The following CSMD1 variants were observed in gnomAD, a reference collection of about 807,000 sequenced individuals.
CSMD1 encodes the protein CUB and sushi domain-containing protein 1.
A neutral mutation model predicts 417.5 loss-of-function variants in CSMD1; 213 were observed. The observed-to-expected ratio is 0.51, with a 90% confidence interval of 0.46 to 0.57. The LOEUF (loss-of-function observed/expected upper bound fraction) is 0.57. Ranked by LOEUF, CSMD1 falls within the 20% of genes least tolerant of loss-of-function variation. CSMD1 has a pLI of 0.00. For missense variants in CSMD1, 6,923 were observed against 4,529.7 expected (o/e 1.53, Z -15.17); for synonymous variants, 2,862 against 1,736.8 (o/e 1.65, Z -16.11).
chr8:3,815,535 TAAAAG>T (rs894808868), intron 5 of CSMD1, among the ~76,000 whole-genome samples: 33 of 126,704 alleles, frequency 2.6e-4, no homozygotes, highest in East Asian at 1.5e-3. Flanking sequence ...TCAAACAAAA[TAAAAG>T]AAAAAACTGT....
intron 5 of CSMD1, among the ~76,000 whole-genome samples, chr8:3,967,275 TA>T (rs1435200988): frequency 1.3e-5 from 2 of 151,902 alleles, no homozygotes; most frequent in Non-Finnish European, 2.9e-5. Flanking sequence ...TCTCTCTCTA[TA>T]CTGTTCTTGT....
At chr8:3,695,757 G>A (rs1467971673) in intron 7 of CSMD1, among the ~76,000 whole-genome samples, 1 of 152,270 alleles carries the variant, frequency 6.6e-6, no homozygotes, top group Non-Finnish European at 1.5e-5. Context: ...CCTAGTCTGA[G>A]CATATTCAAT....
intron 2 of CSMD1, among the ~76,000 whole-genome samples, chr8:4,482,557 C>T (rs1406387650): frequency 6.6e-6 from 1 of 152,198 alleles, no homozygotes; most frequent in Non-Finnish European, 1.5e-5. Context: ...AATGAACACA[C>T]ATGTGCACGT....
intron 11 of CSMD1, among the ~76,000 whole-genome samples, chr8:3,492,780 T>C (rs969362549): frequency 6.6e-6 from 1 of 152,146 alleles, no homozygotes; most frequent in Non-Finnish European, 1.5e-5. Context: ...CCGTGTTTGC[T>C]AAGACTCTGG....
chr8:3,199,049 C>T (rs970203959), intron 33 of CSMD1, among the ~76,000 whole-genome samples: 1 of 152,142 alleles, frequency 6.6e-6, no homozygotes, highest in Non-Finnish European at 1.5e-5. Flanking sequence ...AGTGTATGAA[C>T]AGTTTATGTG....
chr8:3,812,401 G>A (rs532811311), intron 5 of CSMD1, among the ~76,000 whole-genome samples: 1 of 152,196 alleles, frequency 6.6e-6, no homozygotes, highest in East Asian at 1.9e-4. Context: ...GGGAAATTAA[G>A]GACTGTTGAC....
At chr8:3,703,688 C>T (rs757197473) in intron 7 of CSMD1, among the ~76,000 whole-genome samples, 1 of 152,150 alleles carries the variant, frequency 6.6e-6, no homozygotes, top group Non-Finnish European at 1.5e-5. Context: ...AGGATGTGCA[C>T]GACTTCCAAA....
intron 10 of CSMD1, among the ~76,000 whole-genome samples, chr8:3,498,621 G>T (rs916577394): frequency 6.6e-6 from 1 of 152,068 alleles, no homozygotes; most frequent in Non-Finnish European, 1.5e-5. Flanking sequence ...TCTCCTTCTA[G>T]AACTCCCATA....
In CSMD1 at chr8:3,289,576, GTGA is replaced by G. The variant is rs899378321; in HGVS notation, c.3951-5233_3951-5231del. 4.7e-4 allele frequency among the ~76,000 whole-genome samples: 46 copies of G among 98,462 alleles called. 1 individual carries two copies. The highest frequency in any genetic ancestry group is 4.4e-3 in the South Asian group (12 of 2,722). 64.6% of individuals were successfully genotyped at this position (98,462 alleles called of 152,430 possible). A position where few individuals can be genotyped will look rare whatever the true frequency, so the allele number is the denominator to read the frequency against. On this transcript the variant is annotated intron_variant, in intron 25 of 69. Coordinates refer to ENST00000635120, the MANE Select transcript of CSMD1 (RefSeq NM_033225.6). The stretch of plus-strand genomic sequence containing the variant: ...TTGATTTGCATTTCTCTGATGGCCG[GTGA>G]TGATGAGCATTTTTTCATGTGTCTT...
At position 3,106,655 on chromosome 8, in the gene CSMD1, T is replaced by C; in HGVS notation, c.6836-14A>G. The C allele has an allele frequency of 6.5e-7, 1 of 1,546,820 alleles. No individual in the cohort carries two copies. The highest frequency in any genetic ancestry group is 8.9e-7 in the Non-Finnish European group (1 of 1,120,518). ...TCACAAAATCTCCTAGAAGAGTCAA[T>C]GCAACAAACCAGGAAATTGTGTGTG... On this transcript the variant is annotated splice_polypyrimidine_tract_variant and intron_variant, in intron 45 of 69. Coordinates refer to ENST00000635120, the MANE Select transcript of CSMD1 (RefSeq NM_033225.6).
At chr8:4,428,529 C>A (rs1194015162) in intron 2 of CSMD1, among the ~76,000 whole-genome samples, 1 of 152,112 alleles carries the variant, frequency 6.6e-6, no homozygotes. Context: ...CAGGTATACA[C>A]ACAGAAGTAT....
intron 3 of CSMD1, among the ~76,000 whole-genome samples, chr8:4,246,923 G>A (rs574412553): frequency 2.0e-5 from 3 of 152,138 alleles, no homozygotes; most frequent in Non-Finnish European, 2.9e-5. Context: ...AAAAATCTTT[G>A]TAAGAGAGAA....
At chr8:3,640,590 C>T (rs1357049885) in intron 7 of CSMD1, among the ~76,000 whole-genome samples, 1 of 152,166 alleles carries the variant, frequency 6.6e-6, no homozygotes, top group African/African-American at 2.4e-5. Context: ...TTCTCTGAAC[C>T]ACTACAAAAT....
chr8:3,864,391 G>T (rs1804937431), intron 5 of CSMD1, among the ~76,000 whole-genome samples: 1 of 152,114 alleles, frequency 6.6e-6, no homozygotes, highest in Admixed American at 6.5e-5. Context: ...TAATCAAAAG[G>T]TGCAAAGATG....
Position 3,189,995 on chromosome 8 carries a change from A to G in CSMD1, c.5315T>C (p.Leu1772Pro). ...IVRFECNPGY[L>P]LQGSTALHCQ... Reference sequence around the variant, plus strand: ...GTGGAGCGCCGTGGAACCCTGAAGCAGGTATCCCGGGTTGCACTCGAATCG... The same window carrying G: ...GTGGAGCGCCGTGGAACCCTGAAGCGGGTATCCCGGGTTGCACTCGAATCG... Residue 1772 changes from leucine to proline, a missense_variant, in exon 34 of 70, where the codon CTG becomes CCG. Physicochemically the swap from Leu to Pro is moderately conservative, Grantham distance 98. Coordinates refer to ENST00000635120, the MANE Select transcript of CSMD1 (RefSeq NM_033225.6). The G allele has an allele frequency of 6.3e-7, 1 of 1,599,564 alleles. No homozygotes were observed. Among genetic ancestry groups the G allele is most frequent in the Non-Finnish European group, 8.5e-7 (1 of 1,173,286 alleles).
intron 4 of CSMD1, among the ~76,000 whole-genome samples, chr8:4,016,353 A>C (rs1470542537): frequency 6.6e-6 from 1 of 152,148 alleles, no homozygotes; most frequent in East Asian, 1.9e-4. Context: ...GACATTTTGC[A>C]ATCTCCTCTT....
At chr8:3,933,941 C>T (rs1435339181) in intron 5 of CSMD1, among the ~76,000 whole-genome samples, 1 of 152,032 alleles carries the variant, frequency 6.6e-6, no homozygotes, top group Non-Finnish European at 1.5e-5. Flanking sequence ...AAAAACCAGC[C>T]AGGGACCTAG....
At chr8:4,063,041 T>G (rs369662376) in intron 3 of CSMD1, among the ~76,000 whole-genome samples, 1 of 152,174 alleles carries the variant, frequency 6.6e-6, no homozygotes, top group Non-Finnish European at 1.5e-5. Context: ...GAAGAAACGT[T>G]GGCTAATAGG....
chr8:2,955,001 G>A (rs1802900718), intron 64 of CSMD1, among the ~76,000 whole-genome samples: 1 of 152,166 alleles, frequency 6.6e-6, no homozygotes, highest in South Asian at 2.1e-4. Context: ...GAACCTGTAA[G>A]TGTAGCTATC....
Sources: allele counts gnomAD v4.1 joint callset (sites outside exome capture counted in the v4.1 genomes callset), GRCh38; gene constraint gnomAD v4.1.1; transcripts MANE v1.5; gene names NCBI Gene and HGNC (gene_info 2026-07-23, HGNC 2026-07-21).